TMEM132B: variants seen among roughly 807,000 people sequenced by gnomAD.
TMEM132B encodes transmembrane protein 132B.
TMEM132B carries 18 observed loss-of-function variants against 90.8 expected under a neutral mutation model. That is an observed-to-expected ratio of 0.20 (90% CI 0.14 to 0.29). The LOEUF is 0.29. Among genes scored for constraint, TMEM132B ranks in the 10% least tolerant of loss-of-function variants. The pLI, the probability that TMEM132B is intolerant of heterozygous loss-of-function variation, is 1.00. For missense variants in TMEM132B, 1,096 were observed against 1,326.8 expected (o/e 0.83, Z 2.70); for synonymous variants, 504 against 523.3 (o/e 0.96, Z 0.50).
intron 1 of TMEM132B, among the ~76,000 whole-genome samples, chr12:125,276,280 T>C (rs1476465077): frequency 6.6e-6 from 1 of 152,218 alleles, no homozygotes; most frequent in African/African-American, 2.4e-5. Context: ...GTCAGACGAC[T>C]CCAGCTGGTG....
chr12:125,196,427 G>A (rs1331172999), intron 1 of TMEM132B, among the ~76,000 whole-genome samples: 1 of 152,168 alleles, frequency 6.6e-6, no homozygotes, highest in Non-Finnish European at 1.5e-5. Flanking sequence ...ATCATTAATG[G>A]CTGGGCACGG....
At chr12:125,274,267 C>G (rs1037138430) in intron 1 of TMEM132B, among the ~76,000 whole-genome samples, 2 of 152,146 alleles carry the variant, frequency 1.3e-5, no homozygotes, top group African/African-American at 4.8e-5. Context: ...TAGGAATGTT[C>G]CAGGATTTAT....
chr12:125,242,944 A>T (rs1874108027), intron 1 of TMEM132B, among the ~76,000 whole-genome samples: 1 of 142,524 alleles, frequency 7.0e-6, no homozygotes, highest in South Asian at 2.2e-4. Context: ...TCTTTTTTTC[A>T]ATTTTTATTT....
intron 2 of TMEM132B, among the ~76,000 whole-genome samples, chr12:125,391,785 G>C (rs866586487): frequency 3.3e-4 from 50 of 152,246 alleles, no homozygotes; most frequent in Middle Eastern, 6.8e-3. Flanking sequence ...AGTTTTTTGA[G>C]ACAAGGTTTC....
chr12:125,580,446 G>A (rs1334466564), intron 4 of TMEM132B, among the ~76,000 whole-genome samples: 8 of 152,102 alleles, frequency 5.3e-5, no homozygotes, highest in African/African-American at 1.7e-4. Context: ...TAGACAAGTC[G>A]ATAAATGACT....
At chr12:125,487,277 G>T (rs1882227153) in intron 3 of TMEM132B, among the ~76,000 whole-genome samples, 1 of 152,110 alleles carries the variant, frequency 6.6e-6, no homozygotes, top group Non-Finnish European at 1.5e-5. Context: ...CAGTCCAATG[G>T]GTATAACACA....
chr12:125,389,119 G>A (rs777521615), intron 2 of TMEM132B, among the ~76,000 whole-genome samples: 17 of 151,876 alleles, frequency 1.1e-4, no homozygotes, highest in Non-Finnish European at 2.5e-4. Context: ...CTATGAGCAA[G>A]ACAGATAAAA....
intron 6 of TMEM132B, 50 bp from the exon 7 acceptor site, chr12:125,650,633 A>G: frequency 6.3e-7 from 1 of 1,581,980 alleles, no homozygotes; most frequent in East Asian, 2.3e-5. Context: ...GGGCATGCAG[A>G]ACTTCTTAAC....
intron 4 of TMEM132B, among the ~76,000 whole-genome samples, chr12:125,525,373 G>A (rs749372162): frequency 2.0e-5 from 3 of 152,242 alleles, no homozygotes; most frequent in Non-Finnish European, 4.4e-5. Flanking sequence ...GATTAGCCAT[G>A]AGGGCTCTGC....
At chr12:125,397,385 C>G (rs553270124) in intron 2 of TMEM132B, among the ~76,000 whole-genome samples, 1 of 152,344 alleles carries the variant, frequency 6.6e-6, no homozygotes, top group East Asian at 1.9e-4. Flanking sequence ...GCCTCCCAGA[C>G]ATATTTGAAT....
At chr12:125,326,196 G>A (rs933711694) in intron 1 of TMEM132B, among the ~76,000 whole-genome samples, 1 of 152,230 alleles carries the variant, frequency 6.6e-6, no homozygotes, top group East Asian at 1.9e-4. Flanking sequence ...CACAAAGGGA[G>A]AGAAGACTGT....
At chr12:125,367,574 C>T (rs1045076008) in intron 2 of TMEM132B, among the ~76,000 whole-genome samples, 2 of 152,128 alleles carry the variant, frequency 1.3e-5, no homozygotes, top group Admixed American at 6.5e-5. Context: ...CCTCCCAATC[C>T]CAACTGCATT....
intron 5 of TMEM132B, among the ~76,000 whole-genome samples, chr12:125,631,293 T>C (rs1417192149): frequency 1.3e-5 from 2 of 152,180 alleles, no homozygotes; most frequent in Non-Finnish European, 1.5e-5. Context: ...ATTTGCATAG[T>C]TTCCAAAATT....
At chr12:125,634,427 G>C (rs976239980) in intron 5 of TMEM132B, among the ~76,000 whole-genome samples, 1 of 152,198 alleles carries the variant, frequency 6.6e-6, no homozygotes, top group African/African-American at 2.4e-5. Flanking sequence ...TCCATGTGTG[G>C]TCAAGCTGGT....
chr12:125,565,573 A>G (rs1884640335), intron 4 of TMEM132B, among the ~76,000 whole-genome samples: 1 of 152,082 alleles, frequency 6.6e-6, no homozygotes, highest in Admixed American at 6.5e-5. Context: ...GGTTTTATTG[A>G]GTGGTGAAAG....
rs531155634 is a variant in TMEM132B, at chr12:125,522,904, A to G, written c.1293+3279A>G. ...AAATAGGGCTCAGATCTATTTTCAC[A>G]GAGCAGGTAATGAGGGGTGAACTTG... On this transcript the variant is annotated intron_variant, in intron 4 of 8. Coordinates refer to ENST00000682704, the MANE Select transcript of TMEM132B (RefSeq NM_001366854.1). 8.5e-5 allele frequency among the ~76,000 whole-genome samples: 13 copies of G among 152,338 alleles called. No homozygotes were observed. The South Asian group carries it at 2.7e-3, about 32-fold the overall frequency.
Position 125,530,925 on chromosome 12 carries a change from A to G in TMEM132B, c.1293+11300A>G, listed in dbSNP as rs185928689. On this transcript the variant is annotated intron_variant, in intron 4 of 8. Coordinates refer to ENST00000682704, the MANE Select transcript of TMEM132B (RefSeq NM_001366854.1). Reference sequence around the variant, plus strand: ...AGGGGGACACTAGCTCACTATAGGTATAAGAGGCAGGCGGGGGGCTACATG... The same window carrying G: ...AGGGGGACACTAGCTCACTATAGGTGTAAGAGGCAGGCGGGGGGCTACATG... 2.1e-4 allele frequency among the ~76,000 whole-genome samples: 32 copies of G among 152,346 alleles called. No individual in the cohort carries two copies. In the East Asian group the frequency reaches 6.2e-3, roughly 29 times the overall value.
At chr12:125,648,680 T>G (rs1886830836) in intron 6 of TMEM132B, among the ~76,000 whole-genome samples, 1 of 152,178 alleles carries the variant, frequency 6.6e-6, no homozygotes, top group Admixed American at 6.5e-5. Flanking sequence ...ATTTATAACA[T>G]CTGATGTATT....
chr12:125,529,056 C>T (rs1288831552), intron 4 of TMEM132B, among the ~76,000 whole-genome samples: 6 of 145,058 alleles, frequency 4.1e-5, no homozygotes, highest in African/African-American at 1.5e-4. Flanking sequence ...TTCCTTTTTC[C>T]TCCTTGTTTC....
Sources: allele counts gnomAD v4.1 joint callset (sites outside exome capture counted in the v4.1 genomes callset), GRCh38; gene constraint gnomAD v4.1.1; transcripts MANE v1.5; gene names NCBI Gene and HGNC (gene_info 2026-07-23, HGNC 2026-07-21).